Variants in ENDOV observed in about 807,000 individuals in gnomAD.
ENDOV encodes endonuclease V.
Under a neutral mutation model 39.4 loss-of-function variants are expected in ENDOV, and 37 were observed. The observed-to-expected ratio is 0.94, with a 90% confidence interval of 0.72 to 1.23. The LOEUF is 1.23. Among genes scored for constraint, ENDOV ranks in the 50% most tolerant of loss-of-function variants. The pLI is 0.00. For missense variants in ENDOV, 441 were observed against 375.7 expected (o/e 1.17, Z -1.44); for synonymous variants, 186 against 163.4 (o/e 1.14, Z -1.05).
rs1455495623 is a variant in ENDOV, at chr17:80,421,484, GGGTCCCAGGGGGCTGCTGCTATGGACCA to G, written c.229-337_229-310del. Among the ~76,000 whole-genome samples, 14 of 147,982 alleles carry G rather than the reference GGGTCCCAGGGGGCTGCTGCTATGGACCA, an allele frequency of 9.5e-5. No individual in the cohort carries two copies. In the South Asian group the frequency reaches 2.6e-3, roughly 27 times the overall value. ...CGGGGTGGGGGTTCTCATATGGACC[GGGTCCCAGGGGGCTGCTGCTATGGACCA>G]GGTCCCGGTGGGGGCGGGGTGGGGG... On this transcript the variant is annotated intron_variant, in intron 2 of 9. Coordinates refer to ENST00000518137, the MANE Select transcript of ENDOV (RefSeq NM_173627.5).
intron 9 of ENDOV, among the ~76,000 whole-genome samples, chr17:80,433,473 C>T (rs186574542): frequency 2.4e-4 from 36 of 152,346 alleles, no homozygotes; most frequent in South Asian, 2.1e-4. Context: ...CAGCTCCTCA[C>T]GCCATCCCAA....
chr17:80,421,808 A>T lies in ENDOV; in HGVS notation c.229-20A>T. The T allele has an allele frequency of 6.3e-7, 1 of 1,584,582 alleles. No individual in the cohort carries two copies. Reference sequence around the variant, plus strand: ...TGGCCGAAGGCTGTGCTTCCCACTGAGCTGCGTGCCTGGTGTCAGGTGGTG... The same window carrying T: ...TGGCCGAAGGCTGTGCTTCCCACTGTGCTGCGTGCCTGGTGTCAGGTGGTG... On this transcript the variant is annotated intron_variant, in intron 2 of 9. Coordinates refer to ENST00000518137, the MANE Select transcript of ENDOV (RefSeq NM_173627.5).
At chr17:80,420,525 T>C (rs190786493) in intron 2 of ENDOV, 1 of 152,354 alleles carries the variant, frequency 6.6e-6, no homozygotes, top group African/African-American at 2.4e-5. Context: ...TACAGAGCAC[T>C]CCGTCTGCTT....
At chr17:80,427,306 C>A (rs903366033) in intron 7 of ENDOV, 3 of 499,442 alleles carry the variant, frequency 6.0e-6, no homozygotes, top group East Asian at 1.5e-4. Context: ...GCCACAGGAA[C>A]TTTAGGTCGT....
chr17:80,415,846 G>C, intron 2 of ENDOV, 25 bp downstream of exon 2: 1 of 1,573,522 alleles, frequency 6.4e-7, no homozygotes, highest in Non-Finnish European at 8.6e-7. Context: ...CGCCGAGCTC[G>C]AGGCGGGCCC....
At chr17:80,433,007 A>G in intron 9 of ENDOV, 2 of 433,598 alleles carry the variant, frequency 4.6e-6, no homozygotes, top group Admixed American at 4.9e-5. Flanking sequence ...GACCCTTGGG[A>G]GGCTCAGCAC....
At chr17:80,426,958 G>A (rs1397689414) in intron 7 of ENDOV, among the ~76,000 whole-genome samples, 3 of 152,238 alleles carry the variant, frequency 2.0e-5, no homozygotes, top group African/African-American at 7.2e-5. Context: ...CGCTTGCCCT[G>A]CAGCCTGCCC....
chr17:80,415,187 A>C lies in ENDOV; in HGVS notation c.-8A>C, dbSNP rs751647912. On this transcript the variant is annotated 5_prime_UTR_variant, in exon 1 of 10. Transcript: ENST00000518137. The stretch of plus-strand genomic sequence containing the variant: ...GTGACGTGCGGAAGGGGTGCCCGGG[A>C]CGAAGCCATGGCCCTGGAGGCGGCG... The C allele has an allele frequency of 9.3e-6, 15 of 1,612,154 alleles. No individual in the cohort carries two copies. The highest frequency in any genetic ancestry group is 1.2e-5 in the Non-Finnish European group (14 of 1,179,306).
intron 9 of ENDOV, chr17:80,430,062 GAC>G: frequency 6.5e-7 from 1 of 1,535,806 alleles, no homozygotes; most frequent in African/African-American, 1.4e-5. Flanking sequence ...AGTCCCCAAA[GAC>G]AGGCTGACCG....
At chr17:80,425,165 CAG>C in intron 6 of ENDOV, 65 bp downstream of exon 6, 3 of 1,387,062 alleles carry the variant, frequency 2.2e-6, no homozygotes, top group Non-Finnish European at 1.0e-6. Context: ...CAGGCAGACA[CAG>C]GTGCATGCAG....
intron 9 of ENDOV, among the ~76,000 whole-genome samples, chr17:80,434,067 T>C (rs4500796): frequency 0.74 from 113,108 of 152,132 alleles, 42,110 homozygotes; most frequent in South Asian, 0.83. Flanking sequence ...CTCCCCGTTC[T>C]CCCTTCCCCA....
chr17:80,417,174 C>A (rs550514043), intron 2 of ENDOV: 1 of 152,280 alleles, frequency 6.6e-6, no homozygotes, highest in Non-Finnish European at 1.5e-5. Flanking sequence ...TTTAATATGA[C>A]GCTGGAGGCT....
intron 4 of ENDOV, 110 bp from the exon 5 acceptor site, chr17:80,423,410 A>G: frequency 9.4e-7 from 1 of 1,066,720 alleles, no homozygotes; most frequent in East Asian, 2.6e-5. Context: ...CTGCCTGTCC[A>G]CAGACCTCTG....
At position 80,415,683 on chromosome 17, in the gene ENDOV, C is replaced by A; in HGVS notation, c.90C>A (p.Asp30Glu). 6.2e-7 allele frequency: 1 copy of A among 1,612,420 alleles called. No individual in the cohort carries two copies. Among genetic ancestry groups the A allele is most frequent in the Non-Finnish European group, 8.5e-7 (1 of 1,179,344 alleles). ...CTCGGCTGAAGGCCCACGTCGTAGACCGGGACACCGAGGCGTGGCAGCGAG... is the reference window on the plus strand; with the variant it reads ...CTCGGCTGAAGGCCCACGTCGTAGAACGGGACACCGAGGCGTGGCAGCGAG... ...EQARLKAHVVDRDTEAWQRDP... is the reference protein window; with the variant it reads ...EQARLKAHVVERDTEAWQRDP... Residue 30 changes from aspartate (D) to glutamate (E), a missense_variant, in exon 2 of 10, where the codon GAC becomes GAA. Physicochemically the swap from Asp to Glu is conservative, Grantham distance 45. Coordinates refer to ENST00000518137, the MANE Select transcript of ENDOV (RefSeq NM_173627.5).
intron 7 of ENDOV, among the ~76,000 whole-genome samples, chr17:80,427,240 A>G (rs1281929013): frequency 6.6e-6 from 1 of 151,766 alleles, no homozygotes; most frequent in African/African-American, 2.4e-5. Context: ...CTCCATTCCA[A>G]CTCAGCCGTG....
At position 80,436,917 on chromosome 17, in the gene ENDOV, T is replaced by C. The variant is rs1358241792; in HGVS notation, c.*774T>C. Reference sequence around the variant, plus strand: ...GGATTTTGATTCGATTCAATCTATGTATTTGTTATAGATCGTTCGGATTGT... The same window carrying C: ...GGATTTTGATTCGATTCAATCTATGCATTTGTTATAGATCGTTCGGATTGT... On this transcript the variant is annotated 3_prime_UTR_variant, in exon 10 of 10. Transcript: ENST00000518137. The C allele has an allele frequency of 6.5e-6, 1 of 153,124 alleles. No individual in the cohort carries two copies. The highest frequency in any genetic ancestry group is 1.5e-5 in the Non-Finnish European group (1 of 68,440). The allele number at this position is 153,124 out of a possible 1,614,324, so 9.5% of individuals were successfully genotyped here. A position where few individuals can be genotyped will look rare whatever the true frequency, so the allele number is the denominator to read the frequency against.
chr17:80,421,682 T>A (rs2082050827), intron 2 of ENDOV, 146 bp from the exon 3 acceptor site: 1 of 1,109,732 alleles, frequency 9.0e-7, no homozygotes, highest in African/African-American at 1.6e-5. Context: ...TCCAAACCCA[T>A]CATCTCATAG....
chr17:80,419,217 T>C (rs1056352891), intron 2 of ENDOV, among the ~76,000 whole-genome samples: 1 of 150,666 alleles, frequency 6.6e-6, no homozygotes, highest in Non-Finnish European at 1.5e-5. Flanking sequence ...CCCCACTTAC[T>C]GGGGGAAAAA....
At chr17:80,427,712 C>T (rs757385106) in intron 7 of ENDOV, 15 of 1,288,462 alleles carry the variant, frequency 1.2e-5, no homozygotes, top group South Asian at 1.1e-4. Flanking sequence ...AGAGCACAGA[C>T]GGGGTTAGTG....
Sources: allele counts gnomAD v4.1 joint callset (sites outside exome capture counted in the v4.1 genomes callset), GRCh38; gene constraint gnomAD v4.1.1; transcripts MANE v1.5; gene names NCBI Gene and HGNC (gene_info 2026-07-23, HGNC 2026-07-21).